The following ERC1 variants were observed in gnomAD, a reference collection of about 807,000 sequenced individuals.
The protein encoded by ERC1 is ELKS/RAB6-interacting/CAST family member 1, also known as RAB6 interacting protein 2.
A neutral mutation model predicts 132.0 loss-of-function variants in ERC1; 56 were observed. That is an observed-to-expected ratio of 0.42 (90% CI 0.34 to 0.53). The LOEUF (loss-of-function observed/expected upper bound fraction) is 0.53. Among genes scored for constraint, ERC1 ranks in the 20% least tolerant of loss-of-function variants. The pLI is 0.03. For missense variants in ERC1, 1,202 were observed against 1,349.9 expected, an observed-to-expected ratio of 0.89 and a Z score of 1.72; for synonymous variants, 478 against 476.1, an observed-to-expected ratio of 1.00 and a Z score of -0.05.
chr12:1,448,739 G>T (rs1353270012), intron 18 of ERC1, among the ~76,000 whole-genome samples: 1 of 152,254 alleles, frequency 6.6e-6, no homozygotes, highest in Admixed American at 6.5e-5. Context: ...TTCAATGCTA[G>T]GGCAGTGCAG....
chr12:999,801 G>A (rs1592591807), intron 1 of ERC1, among the ~76,000 whole-genome samples: 1 of 151,974 alleles, frequency 6.6e-6, no homozygotes, highest in Non-Finnish European at 1.5e-5. Context: ...CTCCATGTTG[G>A]TCAGGCTGGT....
chr12:1,415,839 G>A (rs1291099426), intron 17 of ERC1, among the ~76,000 whole-genome samples: 3 of 152,152 alleles, frequency 2.0e-5, no homozygotes, highest in Non-Finnish European at 4.4e-5. Flanking sequence ...CAAAGCCAAT[G>A]GAATTAAAGA....
At chr12:1,262,850 T>C (rs114740192) in intron 13 of ERC1, among the ~76,000 whole-genome samples, 184 bp from the exon 14 acceptor site, 3,298 of 151,774 alleles carry the variant, frequency 0.022, 123 homozygotes, top group African/African-American at 0.076. Flanking sequence ...ATGATATACT[T>C]CTTCAGCCTC....
At chr12:1,007,491 T>A (rs1963875598) in intron 1 of ERC1, among the ~76,000 whole-genome samples, 1 of 144,344 alleles carries the variant, frequency 6.9e-6, no homozygotes, top group Non-Finnish European at 1.5e-5. Flanking sequence ...TCTCTCTCTC[T>A]CTTTCTCTCT....
rs181921327 is a variant in ERC1, at chr12:1,099,917, G to A, written c.1087-4833G>A. Among the ~76,000 whole-genome samples the A allele has an allele frequency of 4.5e-3, 571 of 126,500 alleles. 6 individuals are homozygous for A. Among genetic ancestry groups the A allele is most frequent in the African/African-American group, 0.016 (536 of 33,208 alleles). The allele number at this position is 126,500 out of a possible 152,430, so 83.0% of individuals were successfully genotyped here. The stretch of plus-strand genomic sequence containing the variant: ...GGCTGGACTGCAGTGGCACCATCTC[G>A]GCTCACTGCAACCTCCACCTCCTGG... On this transcript the variant is annotated intron_variant, in intron 3 of 18. Transcript: ENST00000360905.
intron 17 of ERC1, among the ~76,000 whole-genome samples, chr12:1,423,597 A>T (rs2092509664): frequency 6.6e-6 from 1 of 152,236 alleles, no homozygotes; most frequent in Non-Finnish European, 1.5e-5. Flanking sequence ...CAGGTGGTTG[A>T]TAGAGTCTGT....
chr12:1,021,559 C>T (rs910365515), intron 1 of ERC1, among the ~76,000 whole-genome samples: 7 of 151,974 alleles, frequency 4.6e-5, no homozygotes, highest in Admixed American at 6.6e-5. Flanking sequence ...ATTAGCCGGG[C>T]GTGGTGGCAC....
chr12:1,337,402 TTTTC>T (rs1175388037), intron 15 of ERC1, among the ~76,000 whole-genome samples: 1 of 152,072 alleles, frequency 6.6e-6, no homozygotes, highest in Non-Finnish European at 1.5e-5. Context: ...CTTCGTAGAT[TTTTC>T]TTTATTTATT....
Position 1,490,212 on chromosome 12 carries a change from C to G in ERC1, c.3333C>G (p.Ala1111=), listed in dbSNP as rs147445442. 2 of 1,613,988 alleles carry G rather than the reference C, an allele frequency of 1.2e-6. No homozygotes were observed. Among genetic ancestry groups the G allele is most frequent in the African/African-American group, 2.7e-5 (2 of 74,920 alleles). ...ACATCCTAGAGCAAGTGGTCAACGCCCTGGAAGAGTCCTCTTGACCCTGCT... is the reference window on the plus strand; with the variant it reads ...ACATCCTAGAGCAAGTGGTCAACGCGCTGGAAGAGTCCTCTTGACCCTGCT... The part of the protein sequence containing the change: ...CPDILEQVVN[A]LEESS Residue 1111 remains alanine (A), a synonymous_variant, in exon 19 of 19, where the codon GCC becomes GCG. Coordinates refer to ENST00000360905, the MANE Select transcript of ERC1 (RefSeq NM_178040.4).
At chr12:1,387,913 G>T (rs1405516569) in intron 16 of ERC1, among the ~76,000 whole-genome samples, 1 of 152,196 alleles carries the variant, frequency 6.6e-6, no homozygotes, top group Non-Finnish European at 1.5e-5. Flanking sequence ...AGGTATTAGG[G>T]TTCCCCTTTA....
intron 1 of ERC1, among the ~76,000 whole-genome samples, chr12:994,124 G>A (rs886177579): frequency 6.1e-5 from 9 of 148,350 alleles, no homozygotes; most frequent in Admixed American, 2.7e-4. Flanking sequence ...ACAGCTGCTC[G>A]GTTTTACACT....
At chr12:1,418,610 T>A (rs1565395462) in intron 17 of ERC1, among the ~76,000 whole-genome samples, 1 of 99,490 alleles carries the variant, frequency 1.0e-5, no homozygotes, top group African/African-American at 6.4e-5. Context: ...TTTCTTTCTT[T>A]CTTTCTTTCT....
At chr12:1,190,138 C>A in intron 12 of ERC1, 86 bp downstream of exon 12, 1 of 1,188,794 alleles carries the variant, frequency 8.4e-7, no homozygotes, top group Non-Finnish European at 1.3e-6. Context: ...TTCAGTGTAT[C>A]TAACTCTGAA....
At chr12:1,253,342 C>A (rs2076580483) in intron 13 of ERC1, among the ~76,000 whole-genome samples, 1 of 152,096 alleles carries the variant, frequency 6.6e-6, no homozygotes, top group African/African-American at 2.4e-5. Context: ...ATTGCAGTTT[C>A]TCCTCTGCCT....
intron 2 of ERC1, among the ~76,000 whole-genome samples, chr12:1,042,113 T>C (rs1204869642): frequency 6.6e-6 from 1 of 151,968 alleles, no homozygotes; most frequent in African/African-American, 2.4e-5. Flanking sequence ...TCTCCGCTCA[T>C]TGCACGCTCC....
intron 3 of ERC1, among the ~76,000 whole-genome samples, chr12:1,096,621 G>A (rs1944076729): frequency 6.6e-6 from 1 of 152,226 alleles, no homozygotes; most frequent in African/African-American, 2.4e-5. Context: ...TAAGGCAGGT[G>A]AGAGATTATT....
intron 2 of ERC1, among the ~76,000 whole-genome samples, chr12:1,082,861 A>G (rs1389387622): frequency 2.6e-5 from 4 of 152,022 alleles, no homozygotes; most frequent in African/African-American, 9.7e-5. Context: ...CATTCCCTCA[A>G]ATTTAGTTTC....
chr12:1,263,670 T>C (rs2154325402), intron 14 of ERC1, among the ~76,000 whole-genome samples: 1 of 152,012 alleles, frequency 6.6e-6, no homozygotes, highest in South Asian at 2.1e-4. Flanking sequence ...AACATGAACG[T>C]TTCTCTTTTT....
chr12:1,045,408 T>C (rs2154164693), intron 2 of ERC1, among the ~76,000 whole-genome samples: 1 of 152,264 alleles, frequency 6.6e-6, no homozygotes, highest in Admixed American at 6.5e-5. Flanking sequence ...TCTGAGTACC[T>C]ATGATAGAGA....
Sources: gnomAD v4.1 joint callset for allele counts (sites outside exome capture counted in the v4.1 genomes callset) on GRCh38, gnomAD v4.1.1 for gene constraint, MANE v1.5 for transcripts, NCBI Gene and HGNC (gene_info 2026-07-23, HGNC 2026-07-21) for gene names.